Variants in PTPRD observed in about 807,000 individuals in gnomAD.
The protein encoded by PTPRD is receptor-type tyrosine-protein phosphatase delta.
Under a neutral mutation model 214.5 loss-of-function variants are expected in PTPRD, and 34 were observed. The observed-to-expected ratio is 0.16, with a 90% CI of 0.12 to 0.21. The LOEUF (loss-of-function observed/expected upper bound fraction) is 0.21. Ranked by LOEUF, PTPRD falls within the 10% of genes least tolerant of loss-of-function variation. The probability of loss-of-function intolerance (pLI) is 1.00; values close to 1 mark genes in which losing one functional copy is unlikely to be tolerated. For synonymous variants in PTPRD, 1,128 were observed against 845.7 expected (o/e 1.33, Z -5.79); for missense variants, 2,545 against 2,398.7 (o/e 1.06, Z -1.27).
chr9:9,306,452 T>C (rs1957154988), intron 9 of PTPRD, among the ~76,000 whole-genome samples: 1 of 149,216 alleles, frequency 6.7e-6, no homozygotes, highest in Non-Finnish European at 1.5e-5. Flanking sequence ...TAGTCCCAGC[T>C]ACTTGGGAGG....
At chr9:8,773,671 T>C (rs2095335686) in intron 11 of PTPRD, among the ~76,000 whole-genome samples, 1 of 152,226 alleles carries the variant, frequency 6.6e-6, no homozygotes, top group Non-Finnish European at 1.5e-5. Context: ...ATCATTAAAA[T>C]AAATTCCAAG....
intron 11 of PTPRD, among the ~76,000 whole-genome samples, chr9:8,752,009 C>T (rs2093584691): frequency 6.6e-6 from 1 of 152,084 alleles, no homozygotes; most frequent in Admixed American, 6.6e-5. Context: ...CTCAAGAAAC[C>T]CAAGAAACAT....
chr9:9,607,835 G>C (rs1197601410), intron 7 of PTPRD, among the ~76,000 whole-genome samples: 1 of 151,904 alleles, frequency 6.6e-6, no homozygotes, highest in Non-Finnish European at 1.5e-5. Flanking sequence ...AGCTTCAAGG[G>C]TAACCAAGAA....
Position 10,035,674 on chromosome 9 carries a change from C to G in PTPRD, c.-544-1884G>C, listed in dbSNP as rs151279729. On this transcript the variant is annotated intron_variant, in intron 3 of 45. Coordinates refer to ENST00000381196, the MANE Select transcript of PTPRD (RefSeq NM_002839.4). ...TCATTTCAGCCTTCCTTCAGTCTCA[C>G]CACCCTGCTAATTAACAACTCCAGA... 2.9e-3 allele frequency among the ~76,000 whole-genome samples: 438 copies of G among 152,180 alleles called. 4 individuals are homozygous for G. The highest frequency in any genetic ancestry group is 0.01 in the African/African-American group (417 of 41,518).
chr9:8,397,319 C>A (rs536097609), intron 36 of PTPRD, among the ~76,000 whole-genome samples: 1 of 152,170 alleles, frequency 6.6e-6, no homozygotes, highest in Non-Finnish European at 1.5e-5. Flanking sequence ...GAGCACACAG[C>A]AACTATCAAA....
chr9:10,443,879 C>G (rs1282971314), intron 2 of PTPRD, among the ~76,000 whole-genome samples: 1 of 148,738 alleles, frequency 6.7e-6, no homozygotes, highest in African/African-American at 2.6e-5. Flanking sequence ...GTTTTTCCAA[C>G]CTCTTATGAG....
chr9:9,258,581 T>A (rs1383272142), intron 9 of PTPRD, among the ~76,000 whole-genome samples: 2 of 151,944 alleles, frequency 1.3e-5, no homozygotes, highest in Non-Finnish European at 2.9e-5. Context: ...AACAGTATAA[T>A]CATTCAAATA....
intron 2 of PTPRD, among the ~76,000 whole-genome samples, chr9:10,503,404 T>C (rs1427713281): frequency 1.3e-5 from 2 of 152,022 alleles, no homozygotes; most frequent in Non-Finnish European, 1.5e-5. Flanking sequence ...CTTAATATTA[T>C]CTACCAAAAA....
At chr9:8,907,990 T>C (rs1050415972) in intron 11 of PTPRD, among the ~76,000 whole-genome samples, 1 of 152,174 alleles carries the variant, frequency 6.6e-6, no homozygotes, top group African/African-American at 2.4e-5. Flanking sequence ...GAGTCTCATC[T>C]AGAAACAGTA....
chr9:10,601,156 T>C (rs893304908), intron 2 of PTPRD, among the ~76,000 whole-genome samples: 14 of 151,786 alleles, frequency 9.2e-5, no homozygotes, highest in Admixed American at 7.9e-4. Context: ...ATCATGATCA[T>C]ATTTGCATTT....
intron 2 of PTPRD, among the ~76,000 whole-genome samples, chr9:10,396,850 A>G (rs1351565933): frequency 1.3e-5 from 2 of 152,002 alleles, no homozygotes; most frequent in Non-Finnish European, 2.9e-5. Context: ...GGAGGCAGGC[A>G]TAGATTGAAG....
At position 9,925,019 on chromosome 9, in the gene PTPRD, GC is replaced by G. The variant is rs369364986; in HGVS notation, c.-368+13487del. On this transcript the variant is annotated intron_variant, in intron 5 of 45. Transcript: ENST00000381196. The stretch of plus-strand genomic sequence containing the variant: ...ATTTCTAAATAGTCAATACCGAGTA[GC>G]AATACCTTTGACTTTAGCAGCTGGT... Among the ~76,000 whole-genome samples, 11 of 152,140 alleles carry G rather than the reference GC, an allele frequency of 7.2e-5. No homozygotes were observed. The East Asian group carries it at 2.1e-3, about 29-fold the overall frequency.
chr9:9,134,806 C>CATGT (rs2099848367), intron 10 of PTPRD, among the ~76,000 whole-genome samples: 1 of 150,572 alleles, frequency 6.6e-6, no homozygotes, highest in African/African-American at 2.4e-5. Context: ...ATTTGGAGTG[C>CATGT]GTGTGTGTGT....
intron 2 of PTPRD, among the ~76,000 whole-genome samples, chr9:10,511,495 C>G (rs1208639361): frequency 6.6e-6 from 1 of 151,838 alleles, no homozygotes; most frequent in East Asian, 1.9e-4. Flanking sequence ...CTTCTGCCTC[C>G]TGGGTTCATG....
At chr9:9,418,025 T>C (rs982509650) in intron 8 of PTPRD, among the ~76,000 whole-genome samples, 1 of 152,082 alleles carries the variant, frequency 6.6e-6, no homozygotes, top group Non-Finnish European at 1.5e-5. Context: ...CTCTAAAAAT[T>C]CGTTTTCTCT....
intron 35 of PTPRD, among the ~76,000 whole-genome samples, chr9:8,433,539 AAGAC>A (rs2132317405): frequency 6.6e-6 from 1 of 152,344 alleles, no homozygotes; most frequent in African/African-American, 2.4e-5. Flanking sequence ...GTGAAGGCAG[AAGAC>A]AGTGATATTG....
chr9:8,414,918 AGAGAGGGAGGGG>A (rs1473539680), intron 35 of PTPRD, among the ~76,000 whole-genome samples: 65 of 76,154 alleles, frequency 8.5e-4, no homozygotes, highest in Non-Finnish European at 1.1e-3. Context: ...GGAGGGGGAG[AGAGAGGGAGGGG>A]GAGAGAGAGA....
chr9:10,496,510 A>G (rs2132995953), intron 2 of PTPRD, among the ~76,000 whole-genome samples: 1 of 152,156 alleles, frequency 6.6e-6, no homozygotes, highest in Middle Eastern at 3.4e-3. Context: ...ACCTGCTTTA[A>G]GTTCTGTGAG....
intron 7 of PTPRD, among the ~76,000 whole-genome samples, chr9:9,608,307 A>G (rs935408098): frequency 2.6e-5 from 4 of 152,218 alleles, no homozygotes; most frequent in Non-Finnish European, 5.9e-5. Context: ...AGTAATATAT[A>G]CAATTTTAAA....
Sources: allele counts gnomAD v4.1 joint callset (sites outside exome capture counted in the v4.1 genomes callset), GRCh38; gene constraint gnomAD v4.1.1; transcripts MANE v1.5; gene names NCBI Gene and HGNC (gene_info 2026-07-23, HGNC 2026-07-21).